The following SAMMSON variants were observed in gnomAD, a reference collection of about 807,000 sequenced individuals.
SAMMSON encodes the protein long intergenic non-protein coding RNA 1212.
intron 4 of SAMMSON, among the ~76,000 whole-genome samples, chr3:70,122,146 T>G (rs2067437229): frequency 6.6e-6 from 1 of 152,226 alleles, no homozygotes; most frequent in African/African-American, 2.4e-5. Flanking sequence ...TACTATGCAG[T>G]CTATAATCAG....
At chr3:70,284,944 A>G (rs1371451500) in intron 6 of SAMMSON, among the ~76,000 whole-genome samples, 1 of 152,162 alleles carries the variant, frequency 6.6e-6, no homozygotes, top group Non-Finnish European at 1.5e-5. Context: ...TAACTGATTC[A>G]TGTGCTTTTG....
intron 4 of SAMMSON, among the ~76,000 whole-genome samples, chr3:70,161,741 TG>T (rs1272077596): frequency 6.6e-6 from 1 of 151,918 alleles, no homozygotes; most frequent in Non-Finnish European, 1.5e-5. Flanking sequence ...TGTAGAGTAT[TG>T]ATATTATTGC....
intron 6 of SAMMSON, among the ~76,000 whole-genome samples, chr3:70,277,519 G>A (rs888754966): frequency 2.0e-5 from 3 of 152,096 alleles, no homozygotes; most frequent in Admixed American, 6.6e-5. Context: ...ATCTCTGAAC[G>A]AACAGACCGC....
intron 9 of SAMMSON, among the ~76,000 whole-genome samples, chr3:70,364,734 T>C (rs1702906621): frequency 6.6e-6 from 1 of 151,914 alleles, no homozygotes; most frequent in Admixed American, 6.6e-5. Context: ...TTTGCAGGAC[T>C]CTGAAAATGC....
intron 4 of SAMMSON, among the ~76,000 whole-genome samples, chr3:70,182,440 G>A (rs944424460): frequency 9.9e-5 from 15 of 152,156 alleles, no homozygotes; most frequent in Non-Finnish European, 2.1e-4. Context: ...TTTAAACTGT[G>A]TTTTATGGGG....
At chr3:70,206,013 C>A (rs1701287637) in intron 4 of SAMMSON, 1 of 151,882 alleles carries the variant, frequency 6.6e-6, no homozygotes, top group Non-Finnish European at 1.5e-5. Flanking sequence ...ACGAAATGTA[C>A]TCTTTATGTC....
At chr3:70,180,910 C>T (rs1487341357) in intron 4 of SAMMSON, among the ~76,000 whole-genome samples, 1 of 151,892 alleles carries the variant, frequency 6.6e-6, no homozygotes, top group Non-Finnish European at 1.5e-5. Flanking sequence ...AAGCTTTAGG[C>T]CTGAAGTTAG....
At chr3:70,176,540 G>A (rs1307355010) in intron 4 of SAMMSON, among the ~76,000 whole-genome samples, 6 of 152,084 alleles carry the variant, frequency 3.9e-5, no homozygotes. Context: ...TCAAAATGAT[G>A]TTCTATGAGT....
intron 4 of SAMMSON, among the ~76,000 whole-genome samples, chr3:70,232,588 C>T (rs895452954): frequency 6.6e-6 from 1 of 151,760 alleles, no homozygotes; most frequent in Non-Finnish European, 1.5e-5. Context: ...TTGATAGAGA[C>T]GGGGTTTCAC....
chr3:70,168,667 A>G (rs1302225275), intron 4 of SAMMSON, among the ~76,000 whole-genome samples: 1 of 151,980 alleles, frequency 6.6e-6, no homozygotes, highest in Non-Finnish European at 1.5e-5. Flanking sequence ...TTCCATATCA[A>G]TACTTATTTA....
intron 3 of SAMMSON, among the ~76,000 whole-genome samples, chr3:70,049,804 A>C (rs2067139664): frequency 6.6e-6 from 1 of 152,130 alleles, no homozygotes; most frequent in Admixed American, 6.6e-5. Flanking sequence ...GAAAAATTTC[A>C]GTCACTTTAT....
chr3:70,152,881 A>G (rs757795479), intron 4 of SAMMSON, among the ~76,000 whole-genome samples: 1 of 152,004 alleles, frequency 6.6e-6, no homozygotes, highest in Non-Finnish European at 1.5e-5. Flanking sequence ...GGAAAAGGGA[A>G]ATGTGAATTT....
chr3:70,193,238 G>C (rs989411974), intron 4 of SAMMSON, among the ~76,000 whole-genome samples: 4 of 152,038 alleles, frequency 2.6e-5, no homozygotes, highest in Non-Finnish European at 5.9e-5. Context: ...TGTAATATTA[G>C]GAGCAATTCA....
intron 4 of SAMMSON, among the ~76,000 whole-genome samples, chr3:70,245,287 A>G (rs1305940918): frequency 2.6e-5 from 4 of 152,080 alleles, no homozygotes; most frequent in Non-Finnish European, 5.9e-5. Flanking sequence ...TTGGTGATAT[A>G]AAATTACTTT....
intron 4 of SAMMSON, chr3:70,197,307 G>A (rs1701192255): frequency 2.5e-6 from 1 of 396,896 alleles, no homozygotes; most frequent in Non-Finnish European, 4.4e-6. Context: ...CCACATTAGG[G>A]GTAATGTACA....
At chr3:70,137,068 T>C (rs2067509019) in intron 4 of SAMMSON, among the ~76,000 whole-genome samples, 1 of 152,216 alleles carries the variant, frequency 6.6e-6, no homozygotes, top group Non-Finnish European at 1.5e-5. Context: ...TACACATTTT[T>C]CTTTTTTGTC....
intron 4 of SAMMSON, among the ~76,000 whole-genome samples, chr3:70,092,327 C>T (rs1225820943): frequency 4.6e-5 from 7 of 151,876 alleles, no homozygotes; most frequent in African/African-American, 1.7e-4. Context: ...ATGATGGACA[C>T]TTCTGTTTCC....
intron 4 of SAMMSON, among the ~76,000 whole-genome samples, chr3:70,128,103 G>A (rs1321610732): frequency 2.0e-5 from 3 of 152,206 alleles, no homozygotes; most frequent in African/African-American, 4.8e-5. Flanking sequence ...ACTGTAAAGT[G>A]ATTTAAATGT....
chr3:70,169,673 A>G (rs1482562195), intron 4 of SAMMSON, among the ~76,000 whole-genome samples: 1 of 144,928 alleles, frequency 6.9e-6, no homozygotes, highest in Non-Finnish European at 1.5e-5. Context: ...CTCAAGAGGT[A>G]ATTGATTTGC....
Sources: gnomAD v4.1 joint callset for allele counts (sites outside exome capture counted in the v4.1 genomes callset) on GRCh38, gnomAD v4.1.1 for gene constraint, MANE v1.5 for transcripts, NCBI Gene and HGNC (gene_info 2026-07-23, HGNC 2026-07-21) for gene names.